SELENOF: variants seen among roughly 807,000 people sequenced by gnomAD.
The protein encoded by SELENOF is 15 kDa selenoprotein.
A neutral mutation model predicts 20.5 loss-of-function variants in SELENOF; 16 were observed. The observed-to-expected ratio is 0.78, with a 90% CI of 0.53 to 1.19. The LOEUF (loss-of-function observed/expected upper bound fraction) is 1.19. Ranked by LOEUF, SELENOF falls within the 50% of genes most tolerant of loss-of-function variation. SELENOF has a pLI of 0.00. For missense variants in SELENOF, 215 were observed against 194.2 expected (o/e 1.11, Z -0.64); for synonymous variants, 78 against 74.5 (o/e 1.05, Z -0.24).
chr1:86,908,727 A>T (rs937862645), intron 1 of SELENOF, among the ~76,000 whole-genome samples: 2 of 152,226 alleles, frequency 1.3e-5, no homozygotes, highest in Non-Finnish European at 2.9e-5. Context: ...TTATCATTCT[A>T]TACTGCTTTT....
chr1:86,865,095 T>C (rs1434692087), intron 4 of SELENOF, among the ~76,000 whole-genome samples: 2 of 152,208 alleles, frequency 1.3e-5, no homozygotes, highest in East Asian at 1.9e-4. Flanking sequence ...AACAAAATAT[T>C]AGCAGTCAAA....
intron 3 of SELENOF, among the ~76,000 whole-genome samples, chr1:86,869,678 A>C (rs188536326): frequency 1.3e-5 from 2 of 152,290 alleles, no homozygotes; most frequent in East Asian, 3.9e-4. Context: ...AATTCAAATT[A>C]AAAGGTGTGT....
chr1:86,905,328 A>T (rs1659801291), intron 1 of SELENOF, among the ~76,000 whole-genome samples: 1 of 152,162 alleles, frequency 6.6e-6, no homozygotes, highest in Non-Finnish European at 1.5e-5. Context: ...TAGTATCTTG[A>T]AGTATAAAAG....
intron 2 of SELENOF, 32 bp downstream of exon 2, chr1:86,903,249 T>C (rs1659746819): frequency 2.5e-6 from 4 of 1,576,998 alleles, no homozygotes; most frequent in Admixed American, 1.8e-5. Flanking sequence ...AACTAAACCA[T>C]CCAATGGAAG....
chr1:86,885,604 T>A (rs1420273412), intron 2 of SELENOF, among the ~76,000 whole-genome samples: 1 of 152,224 alleles, frequency 6.6e-6, no homozygotes, highest in Non-Finnish European at 1.5e-5. Flanking sequence ...GCACTTAAAG[T>A]ATTTTTGTTG....
At chr1:86,907,721 CATCTATA>C (rs1273271250) in intron 1 of SELENOF, among the ~76,000 whole-genome samples, 2 of 152,146 alleles carry the variant, frequency 1.3e-5, no homozygotes, top group Non-Finnish European at 2.9e-5. Flanking sequence ...CGGTGGCTCA[CATCTATA>C]ATCTCAGTGC....
chr1:86,875,298 A>G (rs552346424), intron 3 of SELENOF, among the ~76,000 whole-genome samples: 1 of 152,258 alleles, frequency 6.6e-6, no homozygotes, highest in East Asian at 1.9e-4. Context: ...CTGGACTGCA[A>G]AATTGTGTCA....
intron 4 of SELENOF, among the ~76,000 whole-genome samples, chr1:86,864,341 T>C (rs1658538395): frequency 6.6e-6 from 1 of 152,236 alleles, no homozygotes; most frequent in Non-Finnish European, 1.5e-5. Flanking sequence ...TGGGTAAATG[T>C]GACAACAGCC....
At position 86,863,352 on chromosome 1, in the gene SELENOF, A is replaced by G; in HGVS notation, c.*122T>C. On this transcript the variant is annotated 3_prime_UTR_variant, in exon 5 of 5. Transcript: ENST00000331835. ...TACTGCCATTTCACGATTTAATTAG[A>G]TATTTAATGCCTCAAGTAAAAGACT... 2.5e-6 allele frequency: 2 copies of G among 799,370 alleles called. No individual in the cohort carries two copies. The highest frequency in any genetic ancestry group is 4.2e-5 in the South Asian group (2 of 48,008). 49.5% of individuals were successfully genotyped at this position (799,370 alleles called of 1,614,324 possible).
At chr1:86,867,119 T>A (rs138204112) in intron 4 of SELENOF, among the ~76,000 whole-genome samples, 17 of 152,032 alleles carry the variant, frequency 1.1e-4, no homozygotes, top group Non-Finnish European at 1.9e-4. Context: ...AAGAAGCCAA[T>A]CTGAAAAGGC....
intron 3 of SELENOF, among the ~76,000 whole-genome samples, chr1:86,871,084 T>C (rs1658752781): frequency 6.6e-6 from 1 of 152,228 alleles, no homozygotes; most frequent in Non-Finnish European, 1.5e-5. Context: ...AAATACCTTG[T>C]AGCAGCAAAT....
intron 2 of SELENOF, among the ~76,000 whole-genome samples, chr1:86,891,153 G>A (rs924443425): frequency 1.3e-5 from 2 of 151,574 alleles, no homozygotes; most frequent in Admixed American, 1.3e-4. Flanking sequence ...GGGTTCAAGC[G>A]ATTCTCCTGC....
chr1:86,887,173 T>G (rs570431015), intron 2 of SELENOF: 1 of 1,543,034 alleles, frequency 6.5e-7, no homozygotes, highest in Admixed American at 2.0e-5. Flanking sequence ...GATGGCATTC[T>G]TGCTTAGAAA....
intron 2 of SELENOF, among the ~76,000 whole-genome samples, chr1:86,897,359 T>C (rs976927058): frequency 6.6e-6 from 1 of 152,082 alleles, no homozygotes; most frequent in Non-Finnish European, 1.5e-5. Flanking sequence ...AAACAATAGA[T>C]ATAATATAGT....
In SELENOF at chr1:86,863,201, T is replaced by C. The variant is rs944352425; in HGVS notation, c.*273A>G. On this transcript the variant is annotated 3_prime_UTR_variant, in exon 5 of 5. Coordinates refer to ENST00000331835, the MANE Select transcript of SELENOF (RefSeq NM_004261.5). ...CTGGACCAATTATCACAAACTATCA[T>C]TTGCATAATTAACCGCAAGTCTGTT... 3.4e-6 allele frequency: 1 copy of C among 293,134 alleles called. No individual in the cohort carries two copies. The highest frequency in any genetic ancestry group is 7.1e-5 in the South Asian group (1 of 14,072). 18.2% of individuals were successfully genotyped at this position (293,134 alleles called of 1,614,324 possible).
chr1:86,867,074 G>A (rs1658618896), intron 4 of SELENOF, among the ~76,000 whole-genome samples: 1 of 152,140 alleles, frequency 6.6e-6, no homozygotes, highest in Admixed American at 6.5e-5. Context: ...ACAGGTGAAT[G>A]ACAAAACTGG....
At chr1:86,909,353 A>G (rs769499236) in intron 1 of SELENOF, among the ~76,000 whole-genome samples, 2 of 152,226 alleles carry the variant, frequency 1.3e-5, no homozygotes, top group Non-Finnish European at 2.9e-5. Context: ...TAGGGAAGTT[A>G]TAACAGTTCA....
At chr1:86,911,617 T>C (rs1431660120) in intron 1 of SELENOF, among the ~76,000 whole-genome samples, 3 of 152,104 alleles carry the variant, frequency 2.0e-5, no homozygotes, top group Admixed American at 6.6e-5. Context: ...AATAATGAGA[T>C]GGGAGACTAG....
intron 2 of SELENOF, among the ~76,000 whole-genome samples, chr1:86,899,714 G>A (rs1206825811): frequency 1.3e-5 from 2 of 151,898 alleles, no homozygotes; most frequent in African/African-American, 4.8e-5. Context: ...TCCCGGACAG[G>A]GCGGCTGCTG....
Sources: gnomAD v4.1 joint callset for allele counts (sites outside exome capture counted in the v4.1 genomes callset) on GRCh38, gnomAD v4.1.1 for gene constraint, MANE v1.5 for transcripts, NCBI Gene and HGNC (gene_info 2026-07-23, HGNC 2026-07-21) for gene names.